Variants in GALNT10 observed in about 807,000 individuals in gnomAD.
The protein encoded by GALNT10 is GalNAc transferase 10.
In GALNT10, 41 loss-of-function variants were observed where a neutral mutation model predicts 75.0. The ratio of observed to expected loss-of-function variants is 0.55; its 90% CI spans 0.43 to 0.71. The LOEUF is 0.71. Among genes scored for constraint, GALNT10 ranks in the 30% least tolerant of loss-of-function variants. GALNT10 has a pLI of 0.00. For missense variants in GALNT10, 727 were observed against 818.5 expected, an observed-to-expected ratio of 0.89 and a Z score of 1.36; for synonymous variants, 302 against 313.0, an observed-to-expected ratio of 0.96 and a Z score of 0.37.
At chr5:154,207,421 GTC>G (rs1272088411) in intron 1 of GALNT10, among the ~76,000 whole-genome samples, 1 of 152,128 alleles carries the variant, frequency 6.6e-6, no homozygotes, top group Non-Finnish European at 1.5e-5. Context: ...CACACAGCTG[GTC>G]ACTGGTAGGG....
At chr5:154,239,460 C>T (rs1189638397) in intron 1 of GALNT10, among the ~76,000 whole-genome samples, 2 of 152,210 alleles carry the variant, frequency 1.3e-5, no homozygotes, top group African/African-American at 4.8e-5. Flanking sequence ...GCATTAGGTT[C>T]TCATAGGAGC....
intron 1 of GALNT10, among the ~76,000 whole-genome samples, chr5:154,253,701 C>G (rs1753563043): frequency 7.6e-6 from 1 of 132,250 alleles, no homozygotes; most frequent in South Asian, 2.5e-4. Context: ...TTCATAAAGC[C>G]TCCTCTTTTT....
At chr5:154,201,255 G>A (rs144129831) in intron 1 of GALNT10, among the ~76,000 whole-genome samples, 229 of 152,082 alleles carry the variant, frequency 1.5e-3, no homozygotes, top group African/African-American at 5.2e-3. Flanking sequence ...GCCTCCACCA[G>A]TATCACGGTG....
chr5:154,329,844 C>T (rs956474659), intron 4 of GALNT10, 106 bp downstream of exon 4: 2 of 714,342 alleles, frequency 2.8e-6, no homozygotes, highest in East Asian at 2.7e-5. Context: ...TATAGGCCAT[C>T]ATTGGCTAAA....
intron 1 of GALNT10, among the ~76,000 whole-genome samples, chr5:154,216,055 G>A (rs947008152): frequency 6.6e-6 from 1 of 152,048 alleles, no homozygotes; most frequent in African/African-American, 2.4e-5. Flanking sequence ...TTTCATGCCA[G>A]CTTCTGCCAC....
At chr5:154,296,295 T>C (rs1446542823) in intron 2 of GALNT10, among the ~76,000 whole-genome samples, 1 of 152,106 alleles carries the variant, frequency 6.6e-6, no homozygotes. Flanking sequence ...GGGGTTTCGC[T>C]ATGTTGGCCA....
At chr5:154,345,635 T>TC in intron 4 of GALNT10, among the ~76,000 whole-genome samples, 1 of 148,032 alleles carries the variant, frequency 6.8e-6, no homozygotes, top group East Asian at 1.9e-4. Flanking sequence ...CACCTTTTTT[T>TC]TTTTTTTTTT....
rs895743129 is a variant in GALNT10, at chr5:154,274,773, G to A, written c.160-20043G>A. On this transcript the variant is annotated intron_variant, in intron 1 of 11. Coordinates refer to ENST00000297107, the MANE Select transcript of GALNT10 (RefSeq NM_198321.4). Reference sequence around the variant, plus strand: ...GTAATAAACTAAAAATCAAGAAATAGCCCCTAGAAATCTGAATTTTCCAGC... The same window carrying A: ...GTAATAAACTAAAAATCAAGAAATAACCCCTAGAAATCTGAATTTTCCAGC... 2.6e-5 allele frequency among the ~76,000 whole-genome samples: 4 copies of A among 152,220 alleles called. No homozygotes were observed. The East Asian group carries it at 7.7e-4, about 29-fold the overall frequency.
intron 4 of GALNT10, among the ~76,000 whole-genome samples, chr5:154,348,938 T>C (rs1323512692): frequency 1.3e-5 from 2 of 152,224 alleles, no homozygotes; most frequent in Non-Finnish European, 2.9e-5. Context: ...GTACGCTTTC[T>C]AATTTGCCAT....
intron 1 of GALNT10, among the ~76,000 whole-genome samples, chr5:154,281,670 A>G (rs181987049): frequency 6.6e-6 from 1 of 152,356 alleles, no homozygotes; most frequent in Non-Finnish European, 1.5e-5. Flanking sequence ...CAGTCTTTCA[A>G]GCCTGAAGAG....
chr5:154,242,385 T>C (rs939788219), intron 1 of GALNT10, among the ~76,000 whole-genome samples: 5 of 152,176 alleles, frequency 3.3e-5, no homozygotes, highest in South Asian at 2.1e-4. Context: ...GTGACTGTTA[T>C]GGTTTGAGAA....
At chr5:154,283,166 G>A (rs1190866488) in intron 1 of GALNT10, among the ~76,000 whole-genome samples, 10 of 151,868 alleles carry the variant, frequency 6.6e-5, no homozygotes, top group Non-Finnish European at 1.3e-4. Context: ...AAGAGAGGCT[G>A]GGCATGATGG....
intron 1 of GALNT10, among the ~76,000 whole-genome samples, chr5:154,229,711 C>A (rs574516497): frequency 6.6e-6 from 1 of 151,486 alleles, no homozygotes; most frequent in African/African-American, 2.4e-5. Flanking sequence ...CCAGCCTGGG[C>A]GACAGAGTGA....
intron 4 of GALNT10, among the ~76,000 whole-genome samples, chr5:154,344,202 TTTCTTTC>T (rs1244298326): frequency 6.9e-5 from 6 of 86,500 alleles, no homozygotes; most frequent in East Asian, 3.4e-4. Context: ...TCTTTCTTTC[TTTCTTTC>T]TTTTTTTTTT....
intron 4 of GALNT10, among the ~76,000 whole-genome samples, chr5:154,332,495 C>T (rs1754882142): frequency 6.6e-6 from 1 of 152,216 alleles, no homozygotes; most frequent in South Asian, 2.1e-4. Context: ...ATCCCATCAT[C>T]ATTTAGGCTG....
chr5:154,245,537 C>T (rs201835351), intron 1 of GALNT10, among the ~76,000 whole-genome samples: 1 of 147,494 alleles, frequency 6.8e-6, no homozygotes, highest in African/African-American at 2.5e-5. Context: ...CGAGCTCTGG[C>T]TTTTTTTTTT....
At chr5:154,237,554 G>T (rs1010216568) in intron 1 of GALNT10, among the ~76,000 whole-genome samples, 5 of 152,158 alleles carry the variant, frequency 3.3e-5, no homozygotes, top group Non-Finnish European at 5.9e-5. Context: ...GACAGATCCC[G>T]GTTCCCCTTG....
chr5:154,268,345 T>C (rs1248229854), intron 1 of GALNT10, among the ~76,000 whole-genome samples: 3 of 152,076 alleles, frequency 2.0e-5, no homozygotes, highest in African/African-American at 7.2e-5. Flanking sequence ...GAGTCCACCA[T>C]AAAAGGTTAC....
chr5:154,313,828 A>T (rs1368605653), intron 3 of GALNT10, among the ~76,000 whole-genome samples: 1 of 152,164 alleles, frequency 6.6e-6, no homozygotes, highest in Non-Finnish European at 1.5e-5. Flanking sequence ...CTAAGTCTGC[A>T]GCTCGAGGGA....
Sources: allele counts gnomAD v4.1 joint callset (sites outside exome capture counted in the v4.1 genomes callset), GRCh38; gene constraint gnomAD v4.1.1; transcripts MANE v1.5; gene names NCBI Gene and HGNC (gene_info 2026-07-23, HGNC 2026-07-21).